PCNX1: variants seen among roughly 807,000 people sequenced by gnomAD.
PCNX1 encodes the protein pecanex-like protein 1.
In PCNX1, 78 loss-of-function variants were observed where a neutral mutation model predicts 242.2. That is an observed-to-expected ratio of 0.32 (90% CI 0.27 to 0.39). The LOEUF is 0.39. Ranked by LOEUF, PCNX1 falls within the 10% of genes least tolerant of loss-of-function variation. The pLI is 1.00. For missense variants in PCNX1, 2,581 were observed against 2,856.5 expected, an observed-to-expected ratio of 0.90 and a Z score of 2.20; for synonymous variants, 1,024 against 1,032.9, an observed-to-expected ratio of 0.99 and a Z score of 0.17.
In PCNX1 at chr14:70,977,612, A is replaced by C. The variant is rs767354712; in HGVS notation, c.1275A>C (p.Thr425=). 6.2e-7 allele frequency: 1 copy of C among 1,614,212 alleles called. No individual in the cohort carries two copies. The highest frequency in any genetic ancestry group is 1.1e-5 in the South Asian group (1 of 91,080). Residue 425 remains threonine, a synonymous_variant, in exon 6 of 36, where the codon ACA becomes ACC. Coordinates refer to ENST00000304743, the MANE Select transcript of PCNX1 (RefSeq NM_014982.3). ...SEHEESPKAG[T]KSGRKKECCA... ...ATGAGGAGTCTCCTAAAGCAGGAAC[A>C]AAAAGTGGGAGGAAGAAAGAGTGCT...
At chr14:70,955,341 T>C (rs2057951667) in intron 2 of PCNX1, among the ~76,000 whole-genome samples, 1 of 152,234 alleles carries the variant, frequency 6.6e-6, no homozygotes, top group African/African-American at 2.4e-5. Context: ...TTAGGAACTT[T>C]GTTCCTGTGA....
chr14:71,013,231 C>T (rs190585087), intron 11 of PCNX1, 29 bp downstream of exon 11: 30 of 1,458,140 alleles, frequency 2.1e-5, no homozygotes, highest in East Asian at 1.8e-4. Context: ...ATTAATGATA[C>T]GTGTGGATTT....
intron 2 of PCNX1, among the ~76,000 whole-genome samples, chr14:70,961,092 A>G (rs533478875): frequency 0.014 from 2,170 of 152,344 alleles, 24 homozygotes; most frequent in Middle Eastern, 0.034. Flanking sequence ...CATACTGCCC[A>G]AGGTAATTTA....
At chr14:70,990,942 T>C (rs1370544035) in intron 7 of PCNX1, among the ~76,000 whole-genome samples, 1 of 152,128 alleles carries the variant, frequency 6.6e-6, no homozygotes, top group Admixed American at 6.5e-5. Context: ...TTTTGCTTTC[T>C]TACTCCATGT....
At chr14:71,104,791 G>T (rs1442309369) in intron 32 of PCNX1, among the ~76,000 whole-genome samples, 2 of 152,198 alleles carry the variant, frequency 1.3e-5, no homozygotes, top group Non-Finnish European at 2.9e-5. Context: ...GCTGGACATG[G>T]TAGTGGGCGC....
At chr14:70,979,502 C>G (rs192089820) in intron 6 of PCNX1, among the ~76,000 whole-genome samples, 21 of 152,034 alleles carry the variant, frequency 1.4e-4, no homozygotes, top group Admixed American at 1.1e-3. Flanking sequence ...GAATCTGCTT[C>G]TTGAATAGAA....
At chr14:71,032,031 GT>G in intron 16 of PCNX1, 1 of 828,340 alleles carries the variant, frequency 1.2e-6, no homozygotes, top group Non-Finnish European at 2.1e-6. Context: ...CAAGGAGTGG[GT>G]TTAAGAGTGG....
intron 30 of PCNX1, among the ~76,000 whole-genome samples, chr14:71,091,340 T>C (rs527825712): frequency 6.6e-5 from 10 of 152,300 alleles, no homozygotes; most frequent in African/African-American, 2.4e-4. Context: ...AAGTGGACAA[T>C]AGGCTTATAT....
intron 2 of PCNX1, among the ~76,000 whole-genome samples, chr14:70,961,458 G>A (rs892937519): frequency 3.9e-5 from 6 of 152,342 alleles, no homozygotes; most frequent in Admixed American, 1.3e-4. Context: ...AAACTGGCTA[G>A]CCATATGTAG....
intron 9 of PCNX1, among the ~76,000 whole-genome samples, chr14:71,010,953 C>G (rs777480927): frequency 1.3e-5 from 2 of 151,954 alleles, no homozygotes; most frequent in Non-Finnish European, 2.9e-5. Context: ...GTACTGTTAC[C>G]CTGATTCTGT....
chr14:70,941,290 G>T (rs2057230847), intron 1 of PCNX1, among the ~76,000 whole-genome samples: 1 of 152,212 alleles, frequency 6.6e-6, no homozygotes, highest in South Asian at 2.1e-4. Context: ...TGATGATGGT[G>T]ACCTACAGTT....
intron 26 of PCNX1, among the ~76,000 whole-genome samples, chr14:71,068,476 A>G (rs1426773502): frequency 6.7e-6 from 1 of 149,058 alleles, no homozygotes; most frequent in Non-Finnish European, 1.5e-5. Flanking sequence ...ATATATGTGC[A>G]TATGTATACA....
At chr14:70,921,958 A>T (rs969007058) in intron 1 of PCNX1, among the ~76,000 whole-genome samples, 8 of 152,214 alleles carry the variant, frequency 5.3e-5, no homozygotes, top group Middle Eastern at 3.4e-3. Context: ...ATATGTCGGG[A>T]TAGGTGATTC....
At chr14:71,001,550 T>C (rs568716563) in intron 8 of PCNX1, among the ~76,000 whole-genome samples, 1 of 152,198 alleles carries the variant, frequency 6.6e-6, no homozygotes, top group African/African-American at 2.4e-5. Flanking sequence ...CCTGAACAGC[T>C]CTAGGAATTT....
At chr14:71,031,833 A>T (rs770273682) in intron 16 of PCNX1, 21 of 1,491,232 alleles carry the variant, frequency 1.4e-5, no homozygotes, top group Non-Finnish European at 1.9e-5. Context: ...GGATGGTGGC[A>T]TCGTCTGGCT....
chr14:70,934,227 A>G (rs1021709187), intron 1 of PCNX1, among the ~76,000 whole-genome samples: 3 of 152,134 alleles, frequency 2.0e-5, no homozygotes, highest in African/African-American at 7.2e-5. Flanking sequence ...GCTTGAACCT[A>G]TTACTCCTGG....
chr14:71,103,293 G>T (rs1808635452), intron 31 of PCNX1, 102 bp from the exon 32 acceptor site: 1 of 1,288,602 alleles, frequency 7.8e-7, no homozygotes, highest in Non-Finnish European at 1.1e-6. Context: ...TTCACAACTG[G>T]TTATCATAAT....
In PCNX1 at chr14:71,088,245, A is replaced by G. The variant is rs966976624; in HGVS notation, c.5338-85A>G. 1.1e-5 allele frequency: 8 copies of G among 695,854 alleles called. No homozygotes were observed. The African/African-American group carries it at 1.4e-4, about 12-fold the overall frequency. 43.1% of individuals were successfully genotyped at this position (695,854 alleles called of 1,614,324 possible). On this transcript the variant is annotated intron_variant, in intron 28 of 35. Coordinates refer to ENST00000304743, the MANE Select transcript of PCNX1 (RefSeq NM_014982.3). The stretch of plus-strand genomic sequence containing the variant: ...AAATTATGTACTCTTTGAATTCTTT[A>G]TCATTTCGCTATATTATTTCGATTT...
At chr14:71,086,590 G>T (rs1230285175) in intron 28 of PCNX1, among the ~76,000 whole-genome samples, 1 of 152,208 alleles carries the variant, frequency 6.6e-6, no homozygotes, top group Non-Finnish European at 1.5e-5. Flanking sequence ...GAGTGTTCTA[G>T]CCAGTCCCAA....
Sources: allele counts gnomAD v4.1 joint callset (sites outside exome capture counted in the v4.1 genomes callset), GRCh38; gene constraint gnomAD v4.1.1; transcripts MANE v1.5; gene names NCBI Gene and HGNC (gene_info 2026-07-23, HGNC 2026-07-21).